USP12: variants seen among roughly 807,000 people sequenced by gnomAD.
USP12 encodes ubiquitin specific peptidase 12, also known as ubiquitin carboxyl-terminal hydrolase 12.
In USP12, 19 loss-of-function variants were observed where a neutral mutation model predicts 45.5. The ratio of observed to expected loss-of-function variants is 0.42; its 90% CI spans 0.29 to 0.61. USP12 has a LOEUF of 0.61. Ranked by LOEUF, USP12 falls within the 20% of genes least tolerant of loss-of-function variation. The pLI is 0.22. For synonymous variants in USP12, 149 were observed against 148.8 expected, an observed-to-expected ratio of 1.00 and a Z score of -0.01; for missense variants, 242 against 447.7, an observed-to-expected ratio of 0.54 and a Z score of 4.15.
rs1046358630 is a variant in USP12 at position 27,067,492 on chromosome 13, T to A, written c.*1791A>T. ...TTTAGGAACTATCTTAAAAAGAAACTTGTCAAAATACTTTTTGATATTTTG... is the reference window on the plus strand; with the variant it reads ...TTTAGGAACTATCTTAAAAAGAAACATGTCAAAATACTTTTTGATATTTTG... On this transcript the variant is annotated 3_prime_UTR_variant, in exon 9 of 9. Coordinates refer to ENST00000282344, the MANE Select transcript of USP12 (RefSeq NM_182488.4). 1.3e-5 allele frequency: 2 copies of A among 152,170 alleles called. No homozygotes were observed. Among genetic ancestry groups the A allele is most frequent in the Non-Finnish European group, 2.9e-5 (2 of 68,024 alleles). 9.4% of individuals were successfully genotyped at this position (152,170 alleles called of 1,614,324 possible).
At chr13:27,166,213 TA>T (rs139054786) in intron 1 of USP12, among the ~76,000 whole-genome samples, 3,344 of 152,216 alleles carry the variant, frequency 0.022, 54 homozygotes, top group Non-Finnish European at 0.034. Flanking sequence ...GTCAAATACA[TA>T]ACAAAATACC....
At chr13:27,096,112 A>C (rs960595251) in intron 3 of USP12, among the ~76,000 whole-genome samples, 22 of 150,948 alleles carry the variant, frequency 1.5e-4, no homozygotes, top group African/African-American at 5.1e-4. Flanking sequence ...GAATTTAAGA[A>C]GAAATTGCTT....
chr13:27,084,993 C>T (rs1199975965), intron 6 of USP12, among the ~76,000 whole-genome samples: 2 of 152,072 alleles, frequency 1.3e-5, no homozygotes, highest in Admixed American at 1.3e-4. Flanking sequence ...GACATTTTAA[C>T]AATATTAAGT....
intron 1 of USP12, among the ~76,000 whole-genome samples, chr13:27,138,507 G>A (rs906745162): frequency 6.6e-6 from 1 of 152,182 alleles, no homozygotes; most frequent in African/African-American, 2.4e-5. Context: ...TGAGCAGCTT[G>A]ACATGCCTCA....
At chr13:27,105,429 C>G (rs1378563351) in intron 3 of USP12, among the ~76,000 whole-genome samples, 1 of 152,176 alleles carries the variant, frequency 6.6e-6, no homozygotes, top group Non-Finnish European at 1.5e-5. Context: ...AACAAAAACC[C>G]TTCATTCTTG....
At chr13:27,127,642 G>C (rs1010174615) in intron 1 of USP12, among the ~76,000 whole-genome samples, 2 of 152,022 alleles carry the variant, frequency 1.3e-5, no homozygotes, top group African/African-American at 4.8e-5. Context: ...TCTTCAACCT[G>C]ATAGGGAAGA....
intron 6 of USP12, among the ~76,000 whole-genome samples, chr13:27,078,689 T>C (rs946228817): frequency 2.6e-5 from 4 of 151,410 alleles, no homozygotes; most frequent in African/African-American, 9.7e-5. Flanking sequence ...TGAAGGTCAA[T>C]TAACTAAGAG....
chr13:27,101,261 C>T (rs1387162087), intron 3 of USP12, among the ~76,000 whole-genome samples: 2 of 152,170 alleles, frequency 1.3e-5, no homozygotes, highest in East Asian at 1.9e-4. Flanking sequence ...GTTTTAAAAG[C>T]GTCAACCAGG....
At chr13:27,075,763 C>G (rs1489782151) in intron 6 of USP12, among the ~76,000 whole-genome samples, 1 of 152,038 alleles carries the variant, frequency 6.6e-6, no homozygotes, top group African/African-American at 2.4e-5. Flanking sequence ...GGCGCGGTGG[C>G]TCACGCCTGT....
intron 6 of USP12, among the ~76,000 whole-genome samples, chr13:27,079,752 A>G (rs1013023215): frequency 6.6e-6 from 1 of 152,240 alleles, no homozygotes; most frequent in African/African-American, 2.4e-5. Flanking sequence ...AAGCTCTGCC[A>G]CAGATGAATG....
At chr13:27,093,882 T>C (rs1381337103) in intron 4 of USP12, among the ~76,000 whole-genome samples, 1 of 152,146 alleles carries the variant, frequency 6.6e-6, no homozygotes, top group South Asian at 2.1e-4. Flanking sequence ...TAAAAAGACA[T>C]GGAAGAACCT....
intron 1 of USP12, among the ~76,000 whole-genome samples, chr13:27,160,330 C>T (rs1296181966): frequency 6.6e-6 from 1 of 151,876 alleles, no homozygotes; most frequent in African/African-American, 2.4e-5. Context: ...TTTTCATTTG[C>T]CAAGTTAAGT....
At chr13:27,101,610 T>C (rs1874863732) in intron 3 of USP12, among the ~76,000 whole-genome samples, 1 of 152,176 alleles carries the variant, frequency 6.6e-6, no homozygotes, top group Non-Finnish European at 1.5e-5. Flanking sequence ...AATAAATGTA[T>C]GATTATAAAC....
intron 6 of USP12, among the ~76,000 whole-genome samples, chr13:27,087,124 CGT>C (rs962595513): frequency 1.5e-4 from 20 of 136,864 alleles, no homozygotes; most frequent in Admixed American, 4.1e-4. Flanking sequence ...TGTGTGTGTG[CGT>C]GTGTGAGAGT....
At chr13:27,074,274 C>A (rs541074398) in intron 7 of USP12, among the ~76,000 whole-genome samples, 5 of 152,240 alleles carry the variant, frequency 3.3e-5, no homozygotes, top group African/African-American at 1.2e-4. Flanking sequence ...GTGGTGGGTG[C>A]CTGTAGTCTC....
At chr13:27,073,856 C>A (rs1443663152) in intron 7 of USP12, among the ~76,000 whole-genome samples, 1 of 152,120 alleles carries the variant, frequency 6.6e-6, no homozygotes. Flanking sequence ...CGTTACACTG[C>A]CCACAATTGG....
At chr13:27,107,581 T>C (rs1402657842) in intron 2 of USP12, among the ~76,000 whole-genome samples, 1 of 152,226 alleles carries the variant, frequency 6.6e-6, no homozygotes, top group African/African-American at 2.4e-5. Context: ...TGTGTGTACG[T>C]GTTTTCAAAT....
At chr13:27,162,454 G>C (rs1053588958) in intron 1 of USP12, among the ~76,000 whole-genome samples, 1 of 152,150 alleles carries the variant, frequency 6.6e-6, no homozygotes, top group African/African-American at 2.4e-5. Context: ...AGCTGCTGCA[G>C]GGCTGACTTT....
intron 2 of USP12, among the ~76,000 whole-genome samples, chr13:27,108,066 A>T (rs934862048): frequency 4.6e-5 from 7 of 152,204 alleles, no homozygotes; most frequent in Non-Finnish European, 8.8e-5. Context: ...TCATGCTGCT[A>T]TAAAGACACA....
Sources: gnomAD v4.1 joint callset for allele counts (sites outside exome capture counted in the v4.1 genomes callset) on GRCh38, gnomAD v4.1.1 for gene constraint, MANE v1.5 for transcripts, NCBI Gene and HGNC (gene_info 2026-07-23, HGNC 2026-07-21) for gene names.